Variants in CDYL2 observed in about 807,000 individuals in gnomAD.
The protein encoded by CDYL2 is chromodomain Y-like protein 2.
CDYL2 carries 23 observed loss-of-function variants against 49.4 expected under a neutral mutation model. That is an observed-to-expected ratio of 0.47 (90% CI 0.34 to 0.66). The LOEUF (loss-of-function observed/expected upper bound fraction) is 0.66, where lower values mean the gene tolerates loss of function less well. Among genes scored for constraint, CDYL2 ranks in the 30% least tolerant of loss-of-function variants. The pLI is 0.01. For missense variants in CDYL2, 678 were observed against 656.4 expected, an observed-to-expected ratio of 1.03 and a Z score of -0.36; for synonymous variants, 360 against 268.8, an observed-to-expected ratio of 1.34 and a Z score of -3.32.
At chr16:80,733,038 G>C (rs1282769987) in intron 1 of CDYL2, among the ~76,000 whole-genome samples, 2 of 152,062 alleles carry the variant, frequency 1.3e-5, no homozygotes, top group Non-Finnish European at 2.9e-5. Context: ...AGAAAAGAGT[G>C]ACTGTTATAG....
At chr16:80,735,814 C>G (rs1204960075) in intron 1 of CDYL2, among the ~76,000 whole-genome samples, 1 of 152,240 alleles carries the variant, frequency 6.6e-6, no homozygotes, top group Admixed American at 6.5e-5. Context: ...AACCTGCAGT[C>G]AGGGAGCTGC....
At chr16:80,779,651 G>C in intron 1 of CDYL2, among the ~76,000 whole-genome samples, 1 of 151,938 alleles carries the variant, frequency 6.6e-6, no homozygotes, top group East Asian at 1.9e-4. Context: ...TAAAATATAT[G>C]GTACAGCATA....
chr16:80,664,355 T>A (rs1392186610), intron 2 of CDYL2, among the ~76,000 whole-genome samples: 1 of 152,172 alleles, frequency 6.6e-6, no homozygotes, highest in African/African-American at 2.4e-5. Context: ...TTGAAATGCT[T>A]CTCTTCCAGA....
chr16:80,699,833 T>C (rs904245886), intron 1 of CDYL2, among the ~76,000 whole-genome samples: 2 of 152,140 alleles, frequency 1.3e-5, no homozygotes, highest in Non-Finnish European at 2.9e-5. Flanking sequence ...TTGAAAGGTA[T>C]GTGGAAAAGG....
intron 1 of CDYL2, among the ~76,000 whole-genome samples, chr16:80,795,784 G>T (rs1907753507): frequency 6.6e-6 from 1 of 152,184 alleles, no homozygotes; most frequent in African/African-American, 2.4e-5. Context: ...ACCAGTTCTA[G>T]TCTAAGACCC....
intron 1 of CDYL2, among the ~76,000 whole-genome samples, chr16:80,797,695 T>G (rs1907807970): frequency 6.6e-6 from 1 of 152,248 alleles, no homozygotes; most frequent in Non-Finnish European, 1.5e-5. Context: ...TTGTACATTT[T>G]CCATTATATG....
intron 1 of CDYL2, among the ~76,000 whole-genome samples, chr16:80,758,657 C>T (rs1906401706): frequency 6.6e-6 from 1 of 151,658 alleles, no homozygotes; most frequent in South Asian, 2.1e-4. Context: ...ATTCTCCTGC[C>T]TCAGCCTCCC....
intron 3 of CDYL2, chr16:80,632,714 C>A: frequency 2.9e-6 from 1 of 343,998 alleles, no homozygotes; most frequent in African/African-American, 2.1e-5. Context: ...TGGAAAAGCC[C>A]AAGATGTGAT....
At chr16:80,653,302 C>T (rs1166971386) in intron 2 of CDYL2, among the ~76,000 whole-genome samples, 26 of 152,094 alleles carry the variant, frequency 1.7e-4, no homozygotes, top group Admixed American at 1.7e-3. Context: ...TCTATCTCTA[C>T]TAAAAACACA....
At chr16:80,665,819 G>T (rs1445939776) in intron 2 of CDYL2, among the ~76,000 whole-genome samples, 2 of 152,162 alleles carry the variant, frequency 1.3e-5, no homozygotes, top group Admixed American at 6.5e-5. Context: ...AACTTCCATG[G>T]AAAAGTCACA....
At chr16:80,629,876 G>A (rs147126495) in intron 3 of CDYL2, among the ~76,000 whole-genome samples, 43 of 152,308 alleles carry the variant, frequency 2.8e-4, no homozygotes, top group Middle Eastern at 3.4e-3. Flanking sequence ...ACAATGATGG[G>A]AACATTTATT....
chr16:80,661,752 G>C (rs1221407300), intron 2 of CDYL2, among the ~76,000 whole-genome samples: 2 of 152,150 alleles, frequency 1.3e-5, no homozygotes, highest in African/African-American at 4.8e-5. Context: ...TGATTCCTGT[G>C]TCATGTGATG....
chr16:80,801,072 C>G (rs894121210), intron 1 of CDYL2, among the ~76,000 whole-genome samples: 3 of 152,196 alleles, frequency 2.0e-5, no homozygotes, highest in Non-Finnish European at 4.4e-5. Flanking sequence ...GCAGCCTAGA[C>G]CTGGCTCACA....
intron 5 of CDYL2, among the ~76,000 whole-genome samples, chr16:80,610,825 T>C (rs1015325931): frequency 6.6e-6 from 1 of 152,140 alleles, no homozygotes; most frequent in East Asian, 1.9e-4. Context: ...TCTGGCACTT[T>C]TGTGGGTCTC....
chr16:80,713,723 G>A (rs1028193937), intron 1 of CDYL2, among the ~76,000 whole-genome samples: 3 of 152,060 alleles, frequency 2.0e-5, no homozygotes, highest in African/African-American at 7.2e-5. Flanking sequence ...TGAGACTGTC[G>A]TGGCCATAGG....
intron 3 of CDYL2, chr16:80,628,001 G>C (rs1907380444): frequency 6.6e-6 from 1 of 152,172 alleles, no homozygotes; most frequent in Non-Finnish European, 1.5e-5. Flanking sequence ...GAATCAATCA[G>C]GGTCCTTCTC....
rs1567582275 is a variant in CDYL2, at chr16:80,715,089, C to G, written c.25-29960G>C. ...ATGCCTTACTCATCTGGAGGAGCAA[C>G]TGGAGATGAGATCAAAGTAAGTGTA... On this transcript the variant is annotated intron_variant, in intron 1 of 6. Coordinates refer to ENST00000570137, the MANE Select transcript of CDYL2 (RefSeq NM_152342.4). 2.0e-5 allele frequency among the ~76,000 whole-genome samples: 3 copies of G among 152,100 alleles called. No homozygotes were observed. In the South Asian group the frequency reaches 6.2e-4, roughly 32 times the overall value.
chr16:80,626,407 G>C (rs977346733), intron 3 of CDYL2, among the ~76,000 whole-genome samples: 1 of 152,002 alleles, frequency 6.6e-6, no homozygotes, highest in East Asian at 1.9e-4. Context: ...AACTGTAGTA[G>C]CAGGCAATAA....
At position 80,633,039 on chromosome 16, in the gene CDYL2, T is replaced by C; in HGVS notation, c.814A>G (p.Asn272Asp). 1 of 1,614,122 alleles carries C rather than the reference T, an allele frequency of 6.2e-7. No homozygotes were observed. The highest frequency in any genetic ancestry group is 8.5e-7 in the Non-Finnish European group (1 of 1,179,968). The part of the protein sequence containing the change: ...HILLSSQTSD[N>D]NALTPEIMKE... ...CTTACCTCAGGTGTCAGGGCATTGT[T>C]ATCCGAGGTCTGACTGGACAGCAGG... Residue 272 changes from asparagine to aspartate, a missense_variant, in exon 3 of 7, where the codon AAC becomes GAC. Physicochemically the swap from Asn to Asp is conservative, Grantham distance 23. This residue lies in a region of CDYL2 where 478 missense variants were observed against 427.0 expected (regional missense o/e 1.12). Coordinates refer to ENST00000570137, the MANE Select transcript of CDYL2 (RefSeq NM_152342.4).
Sources: allele counts gnomAD v4.1 joint callset (sites outside exome capture counted in the v4.1 genomes callset), GRCh38; gene constraint gnomAD v4.1.1; regional missense constraint gnomAD v4.1.1; transcripts MANE v1.5; gene names NCBI Gene and HGNC (gene_info 2026-07-23, HGNC 2026-07-21).